Variants in CDC42SE2 observed in about 807,000 individuals in gnomAD.
The protein encoded by CDC42SE2 is CDC42 small effector 2.
A neutral mutation model predicts 11.5 loss-of-function variants in CDC42SE2; 3 were observed. That is an observed-to-expected ratio of 0.26 (90% confidence interval 0.12 to 0.67). The LOEUF (loss-of-function observed/expected upper bound fraction) is 0.67, where lower values mean the gene tolerates loss of function less well. CDC42SE2 is among the 30% of genes least tolerant of loss of function. CDC42SE2 has a pLI of 0.80. For synonymous variants in CDC42SE2, 33 were observed against 34.8 expected, an observed-to-expected ratio of 0.95 and a Z score of 0.18; for missense variants, 82 against 106.8, an observed-to-expected ratio of 0.77 and a Z score of 1.02.
chr5:131,305,566 G>A (rs1466488444), intron 1 of CDC42SE2, among the ~76,000 whole-genome samples: 1 of 152,190 alleles, frequency 6.6e-6, no homozygotes, highest in Non-Finnish European at 1.5e-5. Flanking sequence ...CTTCTTTTGA[G>A]AAATGTCTGT....
At chr5:131,280,689 A>T (rs771030829) in intron 1 of CDC42SE2, among the ~76,000 whole-genome samples, 35 of 152,180 alleles carry the variant, frequency 2.3e-4, no homozygotes, top group Non-Finnish European at 4.1e-4. Flanking sequence ...GTACAGCAGA[A>T]TTATTTTAAT....
intron 2 of CDC42SE2, among the ~76,000 whole-genome samples, chr5:131,330,975 G>C (rs769790757): frequency 6.6e-6 from 1 of 152,028 alleles, no homozygotes; most frequent in Non-Finnish European, 1.5e-5. Flanking sequence ...GCAGGGAGCC[G>C]TGATTGCACC....
chr5:131,263,143 C>T (rs1006929704), upstream of CDC42SE2, among the ~76,000 whole-genome samples: 3 of 148,876 alleles, frequency 2.0e-5, no homozygotes, highest in Non-Finnish European at 3.0e-5. Flanking sequence ...CGCTATGTTG[C>T]CCACTCTGTT....
chr5:131,332,097 C>T (rs989067471), intron 2 of CDC42SE2, among the ~76,000 whole-genome samples: 1 of 152,138 alleles, frequency 6.6e-6, no homozygotes, highest in African/African-American at 2.4e-5. Context: ...AGGTATATCT[C>T]CTAATGCTAT....
intron 1 of CDC42SE2, among the ~76,000 whole-genome samples, chr5:131,264,397 C>G (rs947470757): frequency 3.9e-5 from 6 of 152,172 alleles, no homozygotes; most frequent in Non-Finnish European, 8.8e-5. Flanking sequence ...TCTTCTGTTT[C>G]CTCTGAGGAA....
At chr5:131,299,857 GT>G (rs1757645832) in intron 1 of CDC42SE2, among the ~76,000 whole-genome samples, 1 of 152,166 alleles carries the variant, frequency 6.6e-6, no homozygotes, top group Non-Finnish European at 1.5e-5. Context: ...TGAGCCTTTG[GT>G]ATTTTGACTG....
At chr5:131,289,483 G>A (rs961424184) in intron 1 of CDC42SE2, among the ~76,000 whole-genome samples, 1 of 151,950 alleles carries the variant, frequency 6.6e-6, no homozygotes, top group Non-Finnish European at 1.5e-5. Context: ...CCATCCTGGC[G>A]AACATGGTGA....
chr5:131,371,335 T>C (rs1750007359), intron 3 of CDC42SE2, among the ~76,000 whole-genome samples: 1 of 152,198 alleles, frequency 6.6e-6, no homozygotes, highest in South Asian at 2.1e-4. Context: ...TTCTCAGTTC[T>C]CGGGGTACCC....
chr5:131,365,047 T>G (rs1186984421), intron 3 of CDC42SE2, among the ~76,000 whole-genome samples: 1 of 152,146 alleles, frequency 6.6e-6, no homozygotes, highest in African/African-American at 2.4e-5. Flanking sequence ...CCCAGCACTT[T>G]GGGAGGCCGA....
chr5:131,340,897 G>A (rs546432464), intron 2 of CDC42SE2, among the ~76,000 whole-genome samples: 3 of 152,046 alleles, frequency 2.0e-5, no homozygotes, highest in African/African-American at 7.2e-5. Context: ...GGCTGGTCTC[G>A]AACTCCTGAT....
intron 1 of CDC42SE2, among the ~76,000 whole-genome samples, chr5:131,269,763 CA>C (rs944583054): frequency 6.7e-6 from 1 of 148,484 alleles, no homozygotes; most frequent in South Asian, 2.1e-4. Context: ...GACTCCATCT[CA>C]AAAAAAACAA....
chr5:131,262,848 C>T (rs1232732142), upstream of CDC42SE2, among the ~76,000 whole-genome samples: 1 of 151,666 alleles, frequency 6.6e-6, no homozygotes, highest in Non-Finnish European at 1.5e-5. Context: ...AATCCAGAAA[C>T]GCAGAAGCCA....
At chr5:131,240,484 A>G in the CDC42SE2 span, among the ~76,000 whole-genome samples, 1 of 152,220 alleles carries the variant, frequency 6.6e-6, no homozygotes, top group Non-Finnish European at 1.5e-5. Flanking sequence ...TCAGAACTTA[A>G]GCAAGTTTCT....
intron 3 of CDC42SE2, among the ~76,000 whole-genome samples, chr5:131,366,527 C>T (rs1228247238): frequency 6.6e-6 from 1 of 151,888 alleles, no homozygotes; most frequent in Non-Finnish European, 1.5e-5. Context: ...TGGAGTTGAT[C>T]TTTATTCAGT....
intron 1 of CDC42SE2, among the ~76,000 whole-genome samples, chr5:131,278,723 TCC>T (rs1332729919): frequency 3.5e-3 from 31 of 8,980 alleles, no homozygotes; most frequent in South Asian, 5.9e-3. Context: ...TCCCCTCCCC[TCC>T]CCCCTCCCCT....
At chr5:131,342,128 A>G (rs1758724514) in intron 2 of CDC42SE2, among the ~76,000 whole-genome samples, 2 of 151,024 alleles carry the variant, frequency 1.3e-5, no homozygotes, top group African/African-American at 4.9e-5. Flanking sequence ...AAAAATACAA[A>G]AATTAGCTGG....
At position 131,394,199 on chromosome 5, in the gene CDC42SE2, G is replaced by GT. The variant is rs1272908431; in HGVS notation, c.*3110dup. The GT allele has an allele frequency of 6.6e-6, 1 of 152,242 alleles. No individual in the cohort carries two copies. The highest frequency in any genetic ancestry group is 1.9e-4 in the East Asian group (1 of 5,336). 9.4% of individuals were successfully genotyped at this position (152,242 alleles called of 1,614,324 possible). On this transcript the variant is annotated 3_prime_UTR_variant, in exon 5 of 5. Coordinates refer to ENST00000505065, the MANE Select transcript of CDC42SE2 (RefSeq NM_001375635.1). Reference sequence around the variant, plus strand: ...TTTACTACTCAACATTCATTATACTGTTAATCTTTGCTGAAATATATGCTA... The same window carrying GT: ...TTTACTACTCAACATTCATTATACTGTTTAATCTTTGCTGAAATATATGCTA...
chr5:131,273,937 C>A (rs10077467), intron 1 of CDC42SE2, among the ~76,000 whole-genome samples: 2,895 of 152,126 alleles, frequency 0.019, 43 homozygotes, highest in Middle Eastern at 0.078. Context: ...GCCACCACAT[C>A]CGGCTAGTTT....
At chr5:131,265,822 A>G (rs1756847166) in intron 1 of CDC42SE2, among the ~76,000 whole-genome samples, 1 of 152,206 alleles carries the variant, frequency 6.6e-6, no homozygotes, top group Admixed American at 6.5e-5. Flanking sequence ...TGTTTTTATT[A>G]TCTCCCTGGT....
Sources: allele counts gnomAD v4.1 joint callset (sites outside exome capture counted in the v4.1 genomes callset), GRCh38; gene constraint gnomAD v4.1.1; transcripts MANE v1.5; gene names NCBI Gene and HGNC (gene_info 2026-07-23, HGNC 2026-07-21).